Variants in DAB1 observed in about 807,000 individuals in gnomAD.
The protein encoded by DAB1 is disabled homolog 1.
DAB1 carries 15 observed loss-of-function variants against 64.6 expected under a neutral mutation model. The observed-to-expected ratio is 0.23, with a 90% CI of 0.16 to 0.36. The LOEUF (loss-of-function observed/expected upper bound fraction) is 0.36, where lower values mean the gene tolerates loss of function less well. DAB1 is among the 10% of genes least tolerant of loss of function. DAB1 has a pLI of 1.00. For missense variants in DAB1, 596 were observed against 706.7 expected, an observed-to-expected ratio of 0.84 and a Z score of 1.78; for synonymous variants, 235 against 251.9, an observed-to-expected ratio of 0.93 and a Z score of 0.64.
intron 1 of DAB1, among the ~76,000 whole-genome samples, chr1:57,873,621 A>G (rs1040340528): frequency 6.6e-6 from 1 of 152,152 alleles, no homozygotes; most frequent in African/African-American, 2.4e-5. Flanking sequence ...TCGCTGCCCA[A>G]TGTATAGCAA....
At chr1:58,274,912 C>T (rs1294575039) in intron 4 of DAB1, among the ~76,000 whole-genome samples, 1 of 151,736 alleles carries the variant, frequency 6.6e-6, no homozygotes, top group Non-Finnish European at 1.5e-5. Context: ...GTCTGGCACT[C>T]CCTAGTGAGA....
At chr1:57,690,110 G>A (rs1296014865) in intron 6 of DAB1, among the ~76,000 whole-genome samples, 1 of 152,084 alleles carries the variant, frequency 6.6e-6, no homozygotes, top group Non-Finnish European at 1.5e-5. Flanking sequence ...TGGCTGAATA[G>A]TACTCCATTG....
At chr1:58,055,717 G>A (rs1024161875) in intron 5 of DAB1, among the ~76,000 whole-genome samples, 4 of 152,022 alleles carry the variant, frequency 2.6e-5, no homozygotes, top group African/African-American at 4.8e-5. Context: ...GCAGTCACAG[G>A]CCTTCAAGAA....
chr1:57,579,722 A>G (rs933164297), intron 7 of DAB1, among the ~76,000 whole-genome samples: 1 of 152,198 alleles, frequency 6.6e-6, no homozygotes, highest in Admixed American at 6.5e-5. Flanking sequence ...CCTGTGGTGT[A>G]TAACGCAGCA....
intron 2 of DAB1, among the ~76,000 whole-genome samples, chr1:57,228,844 G>A (rs909987438): frequency 1.3e-4 from 19 of 151,822 alleles, no homozygotes; most frequent in Non-Finnish European, 1.6e-4. Context: ...CAGAAGACTC[G>A]GTAGATAAAA....
At chr1:57,236,648 T>C (rs1198429943) in intron 2 of DAB1, among the ~76,000 whole-genome samples, 1 of 152,238 alleles carries the variant, frequency 6.6e-6, no homozygotes, top group Non-Finnish European at 1.5e-5. Context: ...AGAGCTTATC[T>C]TTTCTTCTCA....
intron 1 of DAB1, among the ~76,000 whole-genome samples, chr1:57,332,547 C>G (rs542603997): frequency 7.2e-5 from 11 of 152,174 alleles, no homozygotes; most frequent in African/African-American, 2.7e-4. Flanking sequence ...GAGACTTAAC[C>G]TTCAGAAACC....
intron 7 of DAB1, among the ~76,000 whole-genome samples, chr1:57,433,338 C>A (rs571543478): frequency 4.7e-4 from 72 of 152,118 alleles, no homozygotes; most frequent in African/African-American, 1.7e-3. Context: ...GTAATCAAAA[C>A]CTTATGGTAA....
chr1:57,086,112 T>G (rs1653049892), intron 4 of DAB1, among the ~76,000 whole-genome samples: 2 of 151,990 alleles, frequency 1.3e-5, no homozygotes, highest in African/African-American at 4.8e-5. Context: ...GGATGCAGAA[T>G]TTTGAAGGCC....
intron 7 of DAB1, among the ~76,000 whole-genome samples, chr1:57,459,647 C>T (rs376303578): frequency 6.6e-6 from 1 of 152,096 alleles, no homozygotes; most frequent in Non-Finnish European, 1.5e-5. Flanking sequence ...CTAGCAAAAC[C>T]TTAAATTTAC....
At chr1:57,440,476 C>T (rs1685898408) in intron 7 of DAB1, among the ~76,000 whole-genome samples, 1 of 152,032 alleles carries the variant, frequency 6.6e-6, no homozygotes, top group Non-Finnish European at 1.5e-5. Flanking sequence ...GTAATCCAGC[C>T]AGGGCTTGTG....
intron 5 of DAB1, among the ~76,000 whole-genome samples, chr1:58,133,824 T>G (rs1315885233): frequency 6.6e-6 from 1 of 152,226 alleles, no homozygotes; most frequent in Non-Finnish European, 1.5e-5. Flanking sequence ...CATCAGTGAA[T>G]GCAATTTTTC....
At chr1:57,996,881 G>C (rs971835807) in intron 5 of DAB1, among the ~76,000 whole-genome samples, 1 of 152,114 alleles carries the variant, frequency 6.6e-6, no homozygotes, top group Non-Finnish European at 1.5e-5. Flanking sequence ...TTAGCATTTG[G>C]GGGGTCTGTT....
At chr1:57,201,332 CA>C (rs1456875435) in intron 2 of DAB1, among the ~76,000 whole-genome samples, 1 of 151,856 alleles carries the variant, frequency 6.6e-6, no homozygotes, top group Non-Finnish European at 1.5e-5. Context: ...TGAATGAAGG[CA>C]TCCATCAACA....
chr1:57,099,699 C>T (rs564387695), intron 4 of DAB1, among the ~76,000 whole-genome samples: 12 of 152,224 alleles, frequency 7.9e-5, no homozygotes, highest in African/African-American at 1.4e-4. Flanking sequence ...TAAACTAGCA[C>T]GTATGCAATT....
intron 2 of DAB1, among the ~76,000 whole-genome samples, chr1:57,189,359 C>T (rs1663909769): frequency 6.6e-6 from 1 of 152,102 alleles, no homozygotes; most frequent in Non-Finnish European, 1.5e-5. Context: ...CCTTCTTTCC[C>T]CCAGGGAAGG....
At chr1:58,535,696 CAT>C (rs1254318991) in intron 1 of DAB1, among the ~76,000 whole-genome samples, 1 of 151,306 alleles carries the variant, frequency 6.6e-6, no homozygotes, top group Non-Finnish European at 1.5e-5. Context: ...GGGCACATAA[CAT>C]GTGTATGTGC....
chr1:57,043,931 A>T (rs547075588), intron 9 of DAB1, among the ~76,000 whole-genome samples: 1 of 151,724 alleles, frequency 6.6e-6, no homozygotes, highest in African/African-American at 2.4e-5. Flanking sequence ...AAAACCATCC[A>T]CACTTGGGGT....
At chr1:58,018,477 T>G (rs1646773629) in intron 5 of DAB1, among the ~76,000 whole-genome samples, 1 of 152,192 alleles carries the variant, frequency 6.6e-6, no homozygotes, top group Non-Finnish European at 1.5e-5. Context: ...TGAGCCACTT[T>G]TCTTACCCTT....
Sources: allele counts gnomAD v4.1 joint callset (sites outside exome capture counted in the v4.1 genomes callset), GRCh38; gene constraint gnomAD v4.1.1; transcripts MANE v1.5; gene names NCBI Gene and HGNC (gene_info 2026-07-23, HGNC 2026-07-21).